MUC5B: variants seen among roughly 807,000 people sequenced by gnomAD.
MUC5B encodes mucin-5B.
MUC5B carries 116 observed loss-of-function variants against 376.9 expected under a neutral mutation model. The ratio of observed to expected loss-of-function variants is 0.31; its 90% CI spans 0.26 to 0.36. MUC5B has a LOEUF of 0.36. Ranked by LOEUF, MUC5B falls within the 10% of genes least tolerant of loss-of-function variation. The pLI is 1.00. For missense variants in MUC5B, 7,165 were observed against 7,769.9 expected (o/e 0.92, Z 2.93); for synonymous variants, 3,517 against 3,390.9 (o/e 1.04, Z -1.29).
rs2133825304 is a variant in MUC5B, at chr11:1,242,474, G to A, written c.5594G>A (p.Arg1865Lys). Residue 1865 changes from arginine (R) to lysine (K), a missense_variant, in exon 31 of 49, where the codon AGG becomes AAG. This residue lies in a region of MUC5B where 897 missense variants were observed against 779.6 expected (regional missense o/e 1.15). Coordinates refer to ENST00000529681, the MANE Select transcript of MUC5B (RefSeq NM_002458.3). ...LTCKNEDQTG[R>K]FNMCFNYNVR... ...TGCAAGAACGAAGACCAGACAGGCAGGTTCAACATGTGCTTCAACTACAAC... is the reference window on the plus strand; with the variant it reads ...TGCAAGAACGAAGACCAGACAGGCAAGTTCAACATGTGCTTCAACTACAAC... The A allele has an allele frequency of 6.2e-7, 1 of 1,613,794 alleles. No homozygotes were observed. The highest frequency in any genetic ancestry group is 8.5e-7 in the Non-Finnish European group (1 of 1,179,818).
intron 1 of MUC5B, 99 bp from the exon 2 acceptor site, chr11:1,225,582 T>C: frequency 1.8e-6 from 2 of 1,111,632 alleles, no homozygotes; most frequent in Non-Finnish European, 2.6e-6. Flanking sequence ...GGACCCCACA[T>C]GCGGCTGCCG....
Position 1,233,802 on chromosome 11 carries a change from G to A in MUC5B, c.2331G>A (p.Thr777=), listed in dbSNP as rs56381293. 3,673 of 1,605,342 alleles carry A rather than the reference G, an allele frequency of 2.3e-3. 61 individuals carry two copies. The African/African-American group carries it at 0.044, about 19-fold the overall frequency. Residue 777 remains threonine, a synonymous_variant, in exon 19 of 49, where the codon ACG becomes ACA. Transcript: ENST00000529681. ...VHDEGAVCSC[T]GGKLSCLGAS... ...CGTCTGTCTCTTGTAGTTCATGTAC[G>A]GGTGGGAAGCTAAGCTGCCTGGGAG...
At chr11:1,255,305 C>A (rs769143620) in intron 36 of MUC5B, 39 bp downstream of exon 36, 1 of 1,507,256 alleles carries the variant, frequency 6.6e-7, no homozygotes, top group Non-Finnish European at 8.9e-7. Context: ...CCTGGGGCGC[C>A]CCCGCCCGCC....
rs780514231 is a variant in MUC5B, at chr11:1,247,377, C to T, written c.10497C>T (p.Thr3499=). 1.7e-5 allele frequency: 27 copies of T among 1,610,318 alleles called. No individual in the cohort carries two copies. Among genetic ancestry groups the T allele is most frequent in the South Asian group, 9.9e-5 (9 of 90,878 alleles). ...CTTCCCACACCCCAGCAGCAACCAC[C>T]AGTACCACCCAGCACTCGACTCCAG... The part of the protein sequence containing the change: ...TVTSHTPAAT[T]STTQHSTPAL... Residue 3499 remains threonine (T), a synonymous_variant, in exon 31 of 49, where the codon ACC becomes ACT. Coordinates refer to ENST00000529681, the MANE Select transcript of MUC5B (RefSeq NM_002458.3).
Position 1,234,732 on chromosome 11 carries a change from GGGCAGCGGGTGGGGA to G in MUC5B, c.2630+62_2630+76del, listed in dbSNP as rs1195604732. 4 of 876,798 alleles carry G rather than the reference GGGCAGCGGGTGGGGA, an allele frequency of 4.6e-6. No individual in the cohort carries two copies. The highest frequency in any genetic ancestry group is 3.7e-5 in the South Asian group (2 of 53,846). 54.3% of individuals were successfully genotyped at this position (876,798 alleles called of 1,614,324 possible). ...CAGGTGGGGAGGGCGGGGGCGGGGA[GGGCAGCGGGTGGGGA>G]GGCAGCGGGCAGGGAGGGCAGGGGG... On this transcript the variant is annotated intron_variant, in intron 21 of 48. Transcript: ENST00000529681. The surrounding 1 kb of genome is among the most constrained non-coding windows in gnomAD (Gnocchi z 6.3).
Position 1,246,459 on chromosome 11 carries a change from C to T in MUC5B, c.9579C>T (p.Leu3193=). ...ASSTRATAGT[L]KVLTSTATTP... ...CCACCCGGGCAACTGCTGGCACCCT[C>T]AAAGTGCTGACCAGCACGGCCACCA... The change falls in exon 31 of 49, where the codon CTC becomes CTT. Residue 3193 remains leucine (L), a synonymous_variant. Coordinates refer to ENST00000529681, the MANE Select transcript of MUC5B (RefSeq NM_002458.3). 2 of 1,613,580 alleles carry T rather than the reference C, an allele frequency of 1.2e-6. No individual in the cohort carries two copies. Among genetic ancestry groups the T allele is most frequent in the Non-Finnish European group, 1.7e-6 (2 of 1,179,776 alleles).
chr11:1,232,994 C>A lies in MUC5B; in HGVS notation c.2066-19C>A. 1.3e-6 allele frequency: 2 copies of A among 1,561,488 alleles called. No individual in the cohort carries two copies. The highest frequency in any genetic ancestry group is 1.3e-5 in the African/African-American group (1 of 74,184). On this transcript the variant is annotated intron_variant, in intron 17 of 48. Coordinates refer to ENST00000529681, the MANE Select transcript of MUC5B (RefSeq NM_002458.3). Reference sequence around the variant, plus strand: ...CTGCTCGGCCGCTGACCTGTCCCCCCTGGCCCCACCGACCACAGCCAAGTA... The same window carrying A: ...CTGCTCGGCCGCTGACCTGTCCCCCATGGCCCCACCGACCACAGCCAAGTA...
chr11:1,230,782 G>C (rs1008178607), intron 12 of MUC5B, among the ~76,000 whole-genome samples, 154 bp from the exon 13 acceptor site: 1 of 137,502 alleles, frequency 7.3e-6, no homozygotes, highest in South Asian at 2.5e-4. Flanking sequence ...AGGTCCTCCC[G>C]GGGGGGCAAT....
In MUC5B at chr11:1,254,948, G is replaced by C. The variant is rs1862796460; in HGVS notation, c.15664+68G>C. 5 of 1,207,872 alleles carry C rather than the reference G, an allele frequency of 4.1e-6. No individual in the cohort carries two copies. In the Admixed American group the frequency reaches 8.0e-5, roughly 19 times the overall value. The allele number at this position is 1,207,872 out of a possible 1,614,324, so 74.8% of individuals were successfully genotyped here. A position where few individuals can be genotyped will look rare whatever the true frequency, so the allele number is the denominator to read the frequency against. ...GGCCTGACAACCCAGTGAGCATAGG[G>C]GAAGCCTGGGGAGGGGAATGAGTGG... is the stretch of plus-strand genomic sequence containing the variant. On this transcript the variant is annotated intron_variant, in intron 35 of 48. Coordinates refer to ENST00000529681, the MANE Select transcript of MUC5B (RefSeq NM_002458.3).
At position 1,243,699 on chromosome 11, in the gene MUC5B, G is replaced by A. The variant is rs767626033; in HGVS notation, c.6819G>A (p.Pro2273=). The change falls in exon 31 of 49, where the codon CCG becomes CCA. Residue 2273 remains proline, a synonymous_variant. Coordinates refer to ENST00000529681, the MANE Select transcript of MUC5B (RefSeq NM_002458.3). ...CCCCTTCTCCAGGGACGACCACCCC[G>A]GGCCACACCACGGCCACCTCCAGGA... The part of the protein sequence containing the change: ...ESPPSPGTTT[P]GHTTATSRTT... 2.2e-5 allele frequency: 35 copies of A among 1,610,242 alleles called. No homozygotes were observed. Among genetic ancestry groups the A allele is most frequent in the East Asian group, 6.7e-5 (3 of 44,806 alleles).
rs1862754266 is a variant in MUC5B at position 1,253,375 on chromosome 11, G to A, written c.15217+395G>A. Reference sequence around the variant, plus strand: ...TGGTTTGAAAGGGACCCTGCCCAGGGGCTTCTGGGGCCAGGAGAAGCTCAG... The same window carrying A: ...TGGTTTGAAAGGGACCCTGCCCAGGAGCTTCTGGGGCCAGGAGAAGCTCAG... On this transcript the variant is annotated intron_variant, in intron 33 of 48. Transcript: ENST00000529681. The surrounding 1 kb of genome is among the most constrained non-coding windows in gnomAD (Gnocchi z 4.3). 6.6e-6 allele frequency among the ~76,000 whole-genome samples: 1 copy of A among 152,088 alleles called. No homozygotes were observed. Among genetic ancestry groups the A allele is most frequent in the Admixed American group, 6.5e-5 (1 of 15,276 alleles).
At chr11:1,230,745 T>A in intron 12 of MUC5B, 145 bp downstream of exon 12, 1 of 473,196 alleles carries the variant, frequency 2.1e-6, no homozygotes, top group Non-Finnish European at 3.2e-6. Flanking sequence ...AGCCCCCAGG[T>A]CAGGTCCCCC....
At position 1,241,026 on chromosome 11, in the gene MUC5B, G is replaced by T. The variant is rs374031177; in HGVS notation, c.4146G>T (p.Ala1382=). ...CPVLADIECR[A]AQLPDMPLEE... is the part of the protein sequence containing the mutation. ...TGCTGGCTGACATCGAGTGCCGGGC[G>T]GCGCAGCTTCCCGACATGCCGCTGG... Residue 1382 remains alanine, a synonymous_variant, in exon 31 of 49, where the codon GCG becomes GCT. Transcript: ENST00000529681. The T allele has an allele frequency of 6.2e-7, 1 of 1,612,692 alleles. No homozygotes were observed. Among genetic ancestry groups the T allele is most frequent in the South Asian group, 1.1e-5 (1 of 91,086 alleles).
At position 1,225,749 on chromosome 11, in the gene MUC5B, G is replaced by A. The variant is rs1404265590; in HGVS notation, c.127+12G>A. On this transcript the variant is annotated intron_variant, in intron 2 of 48. Coordinates refer to ENST00000529681, the MANE Select transcript of MUC5B (RefSeq NM_002458.3). ...CACCATGGATGGCGGTATGTGGCCA[G>A]GTTCGGGGGTGGGGGGTTCCTGACC... is the stretch of plus-strand genomic sequence containing the variant. 1.1e-5 allele frequency: 17 copies of A among 1,602,388 alleles called. No homozygotes were observed. Among genetic ancestry groups the A allele is most frequent in the Non-Finnish European group, 1.4e-5 (16 of 1,175,162 alleles).
At position 1,251,325 on chromosome 11, in the gene MUC5B, GACCCGGATCCTC is replaced by G; in HGVS notation, c.14448_14459del (p.Arg4817_Thr4820del). 6.2e-7 allele frequency: 1 copy of G among 1,603,338 alleles called. No homozygotes were observed. Among genetic ancestry groups the G allele is most frequent in the Non-Finnish European group, 8.5e-7 (1 of 1,174,038 alleles). On this transcript the variant is annotated inframe_deletion, in exon 31 of 49. Transcript: ENST00000529681. Reference sequence around the variant, plus strand: ...CCACACCCTCCTCCACTCTGGGGACGACCCGGATCCTCACTGAGCTGACCACAACAGCCACTA... The same window carrying G: ...CCACACCCTCCTCCACTCTGGGGACGACTGAGCTGACCACAACAGCCACTA...
intron 21 of MUC5B, 58 bp from the exon 22 acceptor site, chr11:1,235,027 C>A: frequency 6.4e-7 from 1 of 1,558,268 alleles, no homozygotes; most frequent in Non-Finnish European, 8.7e-7. Context: ...GGTGCCGGGT[C>A]TCAGGAAGGC....
At chr11:1,260,191 G>C in intron 46 of MUC5B, 106 bp downstream of exon 46, 1 of 1,475,802 alleles carries the variant, frequency 6.8e-7, no homozygotes, top group Non-Finnish European at 9.1e-7. Flanking sequence ...CCCCTGCTGG[G>C]GAGGCCCCAC....
chr11:1,261,500 C>G lies in MUC5B; in HGVS notation c.17181C>G (p.His5727Gln). Residue 5727 changes from histidine to glutamine, a missense_variant, in exon 49 of 49, where the codon CAC becomes CAG. Transcript: ENST00000529681. ...LHCPNGSAILHTYTHVDECGC... is the reference protein window; with the variant it reads ...LHCPNGSAILQTYTHVDECGC... ...GTCCTAACGGCTCAGCCATCCTGCA[C>G]ACCTACACCCACGTGGATGAGTGTG... The G allele has an allele frequency of 6.3e-7, 1 of 1,599,820 alleles. No individual in the cohort carries two copies. Among genetic ancestry groups the G allele is most frequent in the Non-Finnish European group, 8.5e-7 (1 of 1,174,410 alleles).
At position 1,246,671 on chromosome 11, in the gene MUC5B, C is replaced by G. The variant is rs1397764673; in HGVS notation, c.9791C>G (p.Thr3264Arg). 6.2e-7 allele frequency: 1 copy of G among 1,611,064 alleles called. No individual in the cohort carries two copies. The highest frequency in any genetic ancestry group is 2.2e-5 in the East Asian group (1 of 44,806). The change falls in exon 31 of 49, where the codon ACA (threonine) becomes AGA (arginine). Residue 3264 changes from threonine to arginine, a missense_variant. Thr to Arg is a moderately conservative substitution (Grantham distance 71, BLOSUM62 -1). This residue lies in a region of MUC5B where 939 missense variants were observed against 770.6 expected (regional missense o/e 1.22). Transcript: ENST00000529681. Reference sequence around the variant, plus strand: ...ACCACACCCACGGCCACCATGTCCACAGCCACACCCTCCTCTACTCCAGAG... The same window carrying G: ...ACCACACCCACGGCCACCATGTCCAGAGCCACACCCTCCTCTACTCCAGAG... ...QTTTPTATMS[T>R]ATPSSTPETV... is the part of the protein sequence containing the mutation.
Sources: gnomAD v4.1 joint callset for allele counts (sites outside exome capture counted in the v4.1 genomes callset) on GRCh38, gnomAD v4.1.1 for gene constraint, gnomAD v4.1.1 regional missense constraint, Gnocchi (gnomAD v3.1) non-coding constraint, MANE v1.5 for transcripts, NCBI Gene and HGNC (gene_info 2026-07-23, HGNC 2026-07-21) for gene names.